Variants in TMEFF1 observed in about 807,000 individuals in gnomAD.
The protein encoded by TMEFF1 is tomoregulin-1.
Under a neutral mutation model 47.5 loss-of-function variants are expected in TMEFF1, and 20 were observed. The ratio of observed to expected loss-of-function variants is 0.42; its 90% CI spans 0.30 to 0.61. The LOEUF (loss-of-function observed/expected upper bound fraction) is 0.61, where lower values mean the gene tolerates loss of function less well. Among genes scored for constraint, TMEFF1 ranks in the 20% least tolerant of loss-of-function variants. The probability of loss-of-function intolerance (pLI) is 0.19; values close to 1 mark genes in which losing one functional copy is unlikely to be tolerated. For missense variants in TMEFF1, 411 were observed against 471.1 expected (o/e 0.87, Z 1.18); for synonymous variants, 162 against 166.3 (o/e 0.97, Z 0.20).
At chr9:100,542,674 C>G (rs1042095166) in intron 5 of TMEFF1, among the ~76,000 whole-genome samples, 1 of 152,158 alleles carries the variant, frequency 6.6e-6, no homozygotes, top group African/African-American at 2.4e-5. Flanking sequence ...TCTCTTCTTT[C>G]TGGCTGCTTT....
At chr9:100,495,595 A>G (rs1314696141) in intron 1 of TMEFF1, among the ~76,000 whole-genome samples, 1 of 152,144 alleles carries the variant, frequency 6.6e-6, no homozygotes, top group Non-Finnish European at 1.5e-5. Context: ...GCATAGTTTT[A>G]AGTACCTAGT....
intron 3 of TMEFF1, among the ~76,000 whole-genome samples, chr9:100,512,892 C>T (rs1837994318): frequency 6.6e-6 from 1 of 151,832 alleles, no homozygotes; most frequent in Non-Finnish European, 1.5e-5. Flanking sequence ...TGTAGTAAGA[C>T]CCAAAGCTCT....
At chr9:100,554,009 A>G (rs986402982) in intron 7 of TMEFF1, among the ~76,000 whole-genome samples, 1 of 152,176 alleles carries the variant, frequency 6.6e-6, no homozygotes, top group Non-Finnish European at 1.5e-5. Context: ...AGATATGCTC[A>G]TACAGCCTAT....
chr9:100,549,415 C>A (rs1027934877), intron 6 of TMEFF1, among the ~76,000 whole-genome samples: 2 of 152,168 alleles, frequency 1.3e-5, no homozygotes, highest in South Asian at 4.1e-4. Context: ...CAATTAGACA[C>A]GGCATTTGGG....
At chr9:100,508,360 T>G (rs1280724843) in intron 2 of TMEFF1, among the ~76,000 whole-genome samples, 1 of 152,164 alleles carries the variant, frequency 6.6e-6, no homozygotes, top group Admixed American at 6.6e-5. Flanking sequence ...CCTGTCTTAT[T>G]TCTACTCATC....
At chr9:100,502,644 G>A (rs1025108382) in intron 2 of TMEFF1, among the ~76,000 whole-genome samples, 3 of 152,208 alleles carry the variant, frequency 2.0e-5, no homozygotes, top group Non-Finnish European at 4.4e-5. Flanking sequence ...TTACGGGTAT[G>A]AGCTGCTATG....
intron 5 of TMEFF1, among the ~76,000 whole-genome samples, chr9:100,521,170 T>G (rs1272567718): frequency 6.6e-6 from 1 of 152,198 alleles, no homozygotes; most frequent in Non-Finnish European, 1.5e-5. Flanking sequence ...TGCGTGAACT[T>G]TATTCATTGT....
intron 5 of TMEFF1, among the ~76,000 whole-genome samples, chr9:100,520,788 C>A (rs894249201): frequency 2.6e-5 from 4 of 152,110 alleles, no homozygotes; most frequent in African/African-American, 9.7e-5. Context: ...AAGGTGAGTT[C>A]AGAAAGGCTG....
chr9:100,497,589 C>G (rs1234396187), intron 1 of TMEFF1, among the ~76,000 whole-genome samples: 1 of 151,900 alleles, frequency 6.6e-6, no homozygotes, highest in Non-Finnish European at 1.5e-5. Context: ...GTAGGAGACC[C>G]AAGACACCAC....
chr9:100,540,543 C>T (rs1307238482), intron 5 of TMEFF1, among the ~76,000 whole-genome samples: 12 of 152,310 alleles, frequency 7.9e-5, no homozygotes, highest in East Asian at 3.9e-4. Flanking sequence ...GAGCTGGCTC[C>T]GGCCTTGGCC....
At chr9:100,562,740 C>T (rs547297359) in intron 8 of TMEFF1, among the ~76,000 whole-genome samples, 5 of 152,118 alleles carry the variant, frequency 3.3e-5, no homozygotes, top group East Asian at 1.9e-4. Flanking sequence ...ACTGCAACCT[C>T]GGCTTCCCAG....
intron 1 of TMEFF1, among the ~76,000 whole-genome samples, chr9:100,493,646 A>T (rs1378588224): frequency 1.3e-5 from 2 of 152,210 alleles, no homozygotes; most frequent in Non-Finnish European, 2.9e-5. Context: ...TGTGTAAAAC[A>T]TTTCTATTTG....
At chr9:100,497,914 G>GT (rs76597614) in intron 1 of TMEFF1, among the ~76,000 whole-genome samples, 199 of 142,418 alleles carry the variant, frequency 1.4e-3, no homozygotes, top group Admixed American at 1.9e-3. Flanking sequence ...CACTGGGATG[G>GT]TTTTTTTTTT....
At chr9:100,485,144 T>A (rs1214000142) in intron 1 of TMEFF1, among the ~76,000 whole-genome samples, 3 of 152,252 alleles carry the variant, frequency 2.0e-5, no homozygotes, top group Non-Finnish European at 4.4e-5. Context: ...TTTGACTGAA[T>A]AATATTTCAT....
chr9:100,516,542 T>G, intron 4 of TMEFF1, 133 bp from the exon 5 acceptor site: 1 of 1,154,598 alleles, frequency 8.7e-7, no homozygotes, highest in Non-Finnish European at 1.2e-6. Flanking sequence ...CATTGGTAGA[T>G]TTTGGAAGTG....
intron 1 of TMEFF1, among the ~76,000 whole-genome samples, chr9:100,492,454 T>C (rs1338969409): frequency 1.3e-5 from 2 of 152,172 alleles, no homozygotes; most frequent in Admixed American, 6.5e-5. Context: ...AACAGCTACC[T>C]TGGTTGGAGC....
At chr9:100,477,452 A>G (rs1219083254) in intron 1 of TMEFF1, among the ~76,000 whole-genome samples, 5 of 152,242 alleles carry the variant, frequency 3.3e-5, no homozygotes, top group South Asian at 2.1e-4. Context: ...TTTCCATTTT[A>G]GTAATCCTGT....
Position 100,559,288 on chromosome 9 carries a change from G to A in TMEFF1, c.776-2109G>A, listed in dbSNP as rs575138055. Among the ~76,000 whole-genome samples, 15 of 152,248 alleles carry A rather than the reference G, an allele frequency of 9.9e-5. No individual in the cohort carries two copies. The South Asian group carries it at 3.1e-3, about 32-fold the overall frequency. On this transcript the variant is annotated intron_variant, in intron 7 of 9. Coordinates refer to ENST00000374879, the MANE Select transcript of TMEFF1 (RefSeq NM_003692.5). ...ATGGCAGAATTATAGTATGGGAGCT[G>A]GAAGAGACCTTATAAGCCCTTTGAT... is the stretch of plus-strand genomic sequence containing the variant.
intron 1 of TMEFF1, among the ~76,000 whole-genome samples, chr9:100,481,094 A>C (rs1026398753): frequency 6.6e-6 from 1 of 152,162 alleles, no homozygotes; most frequent in Non-Finnish European, 1.5e-5. Context: ...TGTTTGCTCT[A>C]ATGTCACCTT....
Sources: allele counts gnomAD v4.1 joint callset (sites outside exome capture counted in the v4.1 genomes callset), GRCh38; gene constraint gnomAD v4.1.1; transcripts MANE v1.5; gene names NCBI Gene and HGNC (gene_info 2026-07-23, HGNC 2026-07-21).